The following EYA3 variants were observed in gnomAD, a reference collection of about 807,000 sequenced individuals.
The protein encoded by EYA3 is protein phosphatase EYA3.
In EYA3, 39 loss-of-function variants were observed where a neutral mutation model predicts 80.0. That is an observed-to-expected ratio of 0.49 (90% confidence interval 0.38 to 0.64). The LOEUF (loss-of-function observed/expected upper bound fraction) is 0.64. EYA3 is among the 30% of genes least tolerant of loss of function. The pLI is 0.00. For synonymous variants in EYA3, 206 were observed against 232.8 expected (o/e 0.88, Z 1.05); for missense variants, 523 against 676.1 (o/e 0.77, Z 2.51).
At chr1:28,053,278 A>G (rs1644332636) in intron 2 of EYA3, among the ~76,000 whole-genome samples, 1 of 152,148 alleles carries the variant, frequency 6.6e-6, no homozygotes, top group African/African-American at 2.4e-5. Flanking sequence ...ATACGCTAAA[A>G]GGGTGAATTG....
At position 28,038,921 on chromosome 1, in the gene EYA3, T is replaced by C; in HGVS notation, c.158-16A>G. On this transcript the variant is annotated splice_polypyrimidine_tract_variant and intron_variant, in intron 4 of 17. Coordinates refer to ENST00000373871, the MANE Select transcript of EYA3 (RefSeq NM_001990.4). ...CATGTCATAACTGAAAGAAAGATAATATCACCAGGTTAAAAAGTTAGAACA... is the reference window on the plus strand; with the variant it reads ...CATGTCATAACTGAAAGAAAGATAACATCACCAGGTTAAAAAGTTAGAACA... The C allele has an allele frequency of 6.4e-7, 1 of 1,566,512 alleles. No homozygotes were observed. The highest frequency in any genetic ancestry group is 1.3e-5 in the African/African-American group (1 of 74,170).
intron 1 of EYA3, among the ~76,000 whole-genome samples, chr1:28,076,258 G>T (rs1269386941): frequency 1.3e-5 from 2 of 152,168 alleles, no homozygotes; most frequent in Non-Finnish European, 1.5e-5. Context: ...CTGGAGGCAT[G>T]ACTAACATAT....
At chr1:28,086,850 A>G (rs1252651347) in intron 1 of EYA3, among the ~76,000 whole-genome samples, 1 of 152,212 alleles carries the variant, frequency 6.6e-6, no homozygotes, top group Non-Finnish European at 1.5e-5. Flanking sequence ...TAAGTCCTGA[A>G]AGCCAATCAG....
At chr1:28,071,365 TTC>T (rs1404511184) in intron 1 of EYA3, among the ~76,000 whole-genome samples, 2 of 152,274 alleles carry the variant, frequency 1.3e-5, no homozygotes, top group African/African-American at 2.4e-5. Flanking sequence ...GCTCATATTT[TTC>T]TGTTTTGATT....
intron 11 of EYA3, among the ~76,000 whole-genome samples, chr1:28,000,924 G>A (rs1640789670): frequency 6.6e-6 from 1 of 152,070 alleles, no homozygotes; most frequent in Non-Finnish European, 1.5e-5. Flanking sequence ...AAATAGCTGG[G>A]CATGGTGGTG....
chr1:28,000,095 C>A, intron 11 of EYA3, 46 bp from the exon 12 acceptor site: 1 of 1,395,278 alleles, frequency 7.2e-7, no homozygotes, highest in South Asian at 1.3e-5. Flanking sequence ...TAGTCACAGT[C>A]CTGGTTCTAA....
chr1:28,006,067 T>TG (rs1026853311), intron 10 of EYA3, among the ~76,000 whole-genome samples: 1 of 151,340 alleles, frequency 6.6e-6, no homozygotes, highest in African/African-American at 2.4e-5. Flanking sequence ...ATTGTGCCAC[T>TG]GCACTCCAGT....
intron 7 of EYA3, 27 bp downstream of exon 7, chr1:28,027,762 A>T: frequency 6.2e-7 from 1 of 1,612,198 alleles, no homozygotes; most frequent in East Asian, 2.2e-5. Context: ...ATAATTTTAA[A>T]ACACACACAC....
At chr1:28,027,697 T>C (rs933415826) in intron 7 of EYA3, 92 bp downstream of exon 7, 132 of 1,513,734 alleles carry the variant, frequency 8.7e-5, no homozygotes, top group Non-Finnish European at 1.1e-4. Flanking sequence ...GCTCCTGTAT[T>C]ATCCAATTTG....
chr1:28,048,415 G>C lies in EYA3; in HGVS notation c.45C>G (p.Ala15=), dbSNP rs1644113449. Residue 15 remains alanine, a synonymous_variant, in exon 3 of 18, where the codon GCC becomes GCG. Transcript: ENST00000373871. ...QDLPEQPVKK[A]KMQESGEQTI... ...TTTGCTCTCCTGATTCCTGCATCTT[G>C]GCTTTTTTCACCTGCAAAAATAAAT... is the stretch of plus-strand genomic sequence containing the variant. 6.2e-7 allele frequency: 1 copy of C among 1,611,540 alleles called. No individual in the cohort carries two copies. Among genetic ancestry groups the C allele is most frequent in the Admixed American group, 1.7e-5 (1 of 59,748 alleles).
chr1:28,063,534 G>A (rs1036048214), intron 1 of EYA3, among the ~76,000 whole-genome samples: 2 of 151,594 alleles, frequency 1.3e-5, no homozygotes, highest in African/African-American at 2.4e-5. Flanking sequence ...TTTTTGTAGC[G>A]ATGGGGTTTT....
intron 9 of EYA3, 108 bp from the exon 10 acceptor site, chr1:28,011,194 T>A: frequency 1.6e-6 from 2 of 1,243,152 alleles, no homozygotes; most frequent in East Asian, 2.4e-5. Flanking sequence ...AATGCAGGGA[T>A]AAAGGTTGGA....
chr1:28,051,254 A>G (rs1384737857), intron 2 of EYA3, among the ~76,000 whole-genome samples: 1 of 152,200 alleles, frequency 6.6e-6, no homozygotes, highest in Admixed American at 6.5e-5. Flanking sequence ...AGAAACCACT[A>G]GAACTGATAA....
chr1:28,012,605 G>A (rs1641768569), intron 9 of EYA3, among the ~76,000 whole-genome samples: 1 of 152,048 alleles, frequency 6.6e-6, no homozygotes, highest in Non-Finnish European at 1.5e-5. Flanking sequence ...TTTTTAAGTT[G>A]GACACTGTAA....
chr1:28,018,122 G>A (rs1321190873), intron 7 of EYA3, among the ~76,000 whole-genome samples: 3 of 151,998 alleles, frequency 2.0e-5, no homozygotes, highest in Non-Finnish European at 4.4e-5. Flanking sequence ...CTTGAACTCA[G>A]GAAGTGGAGG....
chr1:28,083,506 C>G (rs562137067), intron 1 of EYA3, among the ~76,000 whole-genome samples: 1 of 150,696 alleles, frequency 6.6e-6, no homozygotes, highest in Admixed American at 6.6e-5. Flanking sequence ...GGCGACAGGG[C>G]AAGACTCCGT....
intron 1 of EYA3, among the ~76,000 whole-genome samples, chr1:28,082,014 G>A (rs2148957269): frequency 6.6e-6 from 1 of 152,090 alleles, no homozygotes; most frequent in Admixed American, 6.5e-5. Flanking sequence ...TAAAAGTAAA[G>A]AACATTCTAA....
chr1:28,002,778 C>T (rs1640963132), intron 11 of EYA3, among the ~76,000 whole-genome samples: 1 of 151,834 alleles, frequency 6.6e-6, no homozygotes, highest in Non-Finnish European at 1.5e-5. Context: ...CGCCACTGTA[C>T]TCCAGCCTGC....
chr1:28,047,433 A>G (rs115793074), intron 3 of EYA3, among the ~76,000 whole-genome samples: 2,134 of 152,256 alleles, frequency 0.014, 51 homozygotes, highest in African/African-American at 0.047. Context: ...TCATATGGCT[A>G]GCATGGCAGT....
Sources: allele counts gnomAD v4.1 joint callset (sites outside exome capture counted in the v4.1 genomes callset), GRCh38; gene constraint gnomAD v4.1.1; transcripts MANE v1.5; gene names NCBI Gene and HGNC (gene_info 2026-07-23, HGNC 2026-07-21).